The following LRCH3 variants were observed in gnomAD, a reference collection of about 807,000 sequenced individuals.
LRCH3 encodes DISP complex protein LRCH3.
In LRCH3, 68 loss-of-function variants were observed where a neutral mutation model predicts 104.5. The observed-to-expected ratio is 0.65, with a 90% CI of 0.54 to 0.80. LRCH3 has a LOEUF of 0.80. LRCH3 is among the 30% of genes least tolerant of loss of function. The probability of loss-of-function intolerance (pLI) is 0.00; values close to 1 mark genes in which losing one functional copy is unlikely to be tolerated. For synonymous variants in LRCH3, 344 were observed against 361.3 expected (o/e 0.95, Z 0.54); for missense variants, 951 against 953.9 (o/e 1.00, Z 0.04).
rs112080588 is a variant in LRCH3, at chr3:197,869,781, G to A, written c.1874-379G>A. ...AAAGCGATGCACTGTACCTGCAGGA[G>A]GTAGAAAGCGATGCACTGTACCTGC... On this transcript the variant is annotated intron_variant, in intron 17 of 20. Coordinates refer to ENST00000425562, the MANE Select transcript of LRCH3 (RefSeq NM_001365715.1). Among the ~76,000 whole-genome samples the A allele has an allele frequency of 3.1e-3, 313 of 101,872 alleles. 4 individuals carry two copies. Among genetic ancestry groups the A allele is most frequent in the Middle Eastern group, 5.7e-3 (1 of 176 alleles). 66.8% of individuals were successfully genotyped at this position (101,872 alleles called of 152,430 possible). A position where few individuals can be genotyped will look rare whatever the true frequency, so the allele number is the denominator to read the frequency against.
intron 12 of LRCH3, among the ~76,000 whole-genome samples, chr3:197,852,024 CT>C (rs1156870842): frequency 6.6e-6 from 1 of 152,200 alleles, no homozygotes; most frequent in Non-Finnish European, 1.5e-5. Flanking sequence ...GATATTTTAT[CT>C]CACACAGTAG....
In LRCH3 at chr3:197,844,623, GTT is replaced by G. The variant is rs200180328; in HGVS notation, c.1329-2776_1329-2775del. On this transcript the variant is annotated intron_variant, in intron 10 of 20. Transcript: ENST00000425562. ...ATCACTTACTGCTCATAGGTTTTTT[GTT>G]TTTTTTTTTCCCAGATGGAGCCTCA... 1.2e-3 allele frequency among the ~76,000 whole-genome samples: 177 copies of G among 146,120 alleles called. 1 individual carries two copies. The highest frequency in any genetic ancestry group is 3.5e-3 in the African/African-American group (139 of 39,672).
rs559582259 is a variant in LRCH3 at position 197,868,101 on chromosome 3, C to T, written c.1873+1882C>T. Among the ~76,000 whole-genome samples the T allele has an allele frequency of 4.6e-5, 7 of 152,250 alleles. No individual in the cohort carries two copies. The South Asian group carries it at 1.5e-3, about 32-fold the overall frequency. On this transcript the variant is annotated intron_variant, in intron 17 of 20. Coordinates refer to ENST00000425562, the MANE Select transcript of LRCH3 (RefSeq NM_001365715.1). The stretch of plus-strand genomic sequence containing the variant: ...ACAGTAAGATTTAAAAGTCAAACTA[C>T]AGATGCACTGCTGGTGAGAGTGTAA...
intron 4 of LRCH3, among the ~76,000 whole-genome samples, chr3:197,820,800 C>T (rs1226624544): frequency 6.6e-6 from 1 of 151,592 alleles, no homozygotes; most frequent in Admixed American, 6.6e-5. Context: ...CAGAAAGAGA[C>T]CTTTTTTAAA....
At chr3:197,805,215 A>G (rs1349407438) in intron 1 of LRCH3, among the ~76,000 whole-genome samples, 1 of 152,138 alleles carries the variant, frequency 6.6e-6, no homozygotes, top group East Asian at 1.9e-4. Context: ...TTTTCAAGTC[A>G]TTCAGAATAT....
rs201162957 is a variant in LRCH3, at chr3:197,866,147, A to G, written c.1801A>G (p.Ile601Val). 2 of 1,613,948 alleles carry G rather than the reference A, an allele frequency of 1.2e-6. No homozygotes were observed. The highest frequency in any genetic ancestry group is 2.2e-5 in the East Asian group (1 of 44,880). The change falls in exon 17 of 21, where the codon ATC (isoleucine) becomes GTC (valine). Residue 601 changes from isoleucine to valine, a missense_variant. Transcript: ENST00000425562. ...HSPAYSFPAA[I>V]QRNQPQRPES... ...CCCTGCATATTCTTTTCCTGCTGCTATCCAGAGAAATCAGCCTCAGCGCCC... is the reference window on the plus strand; with the variant it reads ...CCCTGCATATTCTTTTCCTGCTGCTGTCCAGAGAAATCAGCCTCAGCGCCC...
At chr3:197,792,047 GGT>G (rs148727980) in intron 1 of LRCH3, among the ~76,000 whole-genome samples, 8 of 151,826 alleles carry the variant, frequency 5.3e-5, no homozygotes, top group Non-Finnish European at 7.4e-5. Context: ...GAAGTGTTGG[GGT>G]GTGTGTGTGT....
intron 10 of LRCH3, among the ~76,000 whole-genome samples, chr3:197,841,931 C>T (rs1737863184): frequency 6.6e-6 from 1 of 152,102 alleles, no homozygotes; most frequent in Non-Finnish European, 1.5e-5. Context: ...CTCCCAGGCT[C>T]AAGCAATCCT....
intron 20 of LRCH3, among the ~76,000 whole-genome samples, chr3:197,880,265 T>C (rs1478187560): frequency 3.3e-5 from 5 of 152,158 alleles, no homozygotes; most frequent in African/African-American, 4.8e-5. Context: ...ATTCTTAATG[T>C]TCAGACCAGT....
chr3:197,859,428 A>G (rs1740630878), intron 15 of LRCH3: 1 of 154,782 alleles, frequency 6.5e-6, no homozygotes, highest in African/African-American at 2.4e-5. Flanking sequence ...GACCAACATC[A>G]TATACCTACA....
At chr3:197,845,338 G>A (rs773719574) in intron 10 of LRCH3, among the ~76,000 whole-genome samples, 2 of 150,958 alleles carry the variant, frequency 1.3e-5, no homozygotes, top group East Asian at 3.9e-4. Flanking sequence ...ACTCTGGGAG[G>A]TGGAGGTCTC....
intron 1 of LRCH3, among the ~76,000 whole-genome samples, chr3:197,812,724 G>A (rs1320513079): frequency 6.6e-6 from 1 of 151,872 alleles, no homozygotes; most frequent in Non-Finnish European, 1.5e-5. Context: ...ACCACGCCTG[G>A]CTAATTTTTG....
Position 197,827,011 on chromosome 3 carries a change from ACAGGTAAACCATAGTGGAAGCAT to A in LRCH3, c.777+10_777+32del. ...ACAATCCACTACAATCACCTCCTGCACAGGTAAACCATAGTGGAAGCATCAGGTAAACCATGGTGGAAGCATCA... is the reference window on the plus strand; with the variant it reads ...ACAATCCACTACAATCACCTCCTGCACAGGTAAACCATGGTGGAAGCATCA... On this transcript the variant is annotated splice_donor_variant and splice_donor_5th_base_variant and coding_sequence_variant and intron_variant, in exon 5 of 21. Coordinates refer to ENST00000425562, the MANE Select transcript of LRCH3 (RefSeq NM_001365715.1). LOFTEE classifies it high-confidence loss of function. 2.5e-6 allele frequency: 4 copies of A among 1,613,856 alleles called. No homozygotes were observed. Among genetic ancestry groups the A allele is most frequent in the Non-Finnish European group, 3.4e-6 (4 of 1,179,908 alleles).
chr3:197,791,384 G>A lies in LRCH3; in HGVS notation c.106G>A (p.Ala36Thr), dbSNP rs942712572. ...TGTTCACTGCGGCCCAAGCTCCGGG[G>A]CAGGCCCTGGTTTTGGCCCGGGCTC... ...PGVHCGPSSG[A>T]GPGFGPGSWS... Residue 36 changes from alanine to threonine, a missense_variant, in exon 1 of 21, where the codon GCA (alanine) becomes ACA (threonine). Transcript: ENST00000425562. The A allele has an allele frequency of 1.3e-6, 2 of 1,597,046 alleles. No individual in the cohort carries two copies. The highest frequency in any genetic ancestry group is 2.7e-5 in the African/African-American group (2 of 74,574).
rs1305196955 is a variant in LRCH3, at chr3:197,883,170, T to A, written c.2209-371T>A. On this transcript the variant is annotated intron_variant, in intron 20 of 20. Transcript: ENST00000425562. The surrounding 1 kb of genome is among the most constrained non-coding windows in gnomAD (Gnocchi z 4.2). ...CTTGAGCCATCTGGTAGCGTGGAAT[T>A]GTTTTTCTATTTTTCACCTGCCTAT... 5 of 992,574 alleles carry A rather than the reference T, an allele frequency of 5.0e-6. No individual in the cohort carries two copies. The highest frequency in any genetic ancestry group is 6.0e-6 in the Non-Finnish European group (5 of 834,802). The allele number at this position is 992,574 out of a possible 1,614,324, so 61.5% of individuals were successfully genotyped here. A position where few individuals can be genotyped will look rare whatever the true frequency, so the allele number is the denominator to read the frequency against.
At chr3:197,843,980 A>G (rs1738216330) in intron 10 of LRCH3, among the ~76,000 whole-genome samples, 1 of 152,352 alleles carries the variant, frequency 6.6e-6, no homozygotes, top group East Asian at 1.9e-4. Context: ...ATGAAGAAAA[A>G]TAAAGCAGGA....
At chr3:197,879,472 C>A (rs1040213156) in intron 20 of LRCH3, among the ~76,000 whole-genome samples, 6 of 150,924 alleles carry the variant, frequency 4.0e-5, no homozygotes, top group Non-Finnish European at 7.4e-5. Context: ...TGGTGAAACC[C>A]CGTCTCTACT....
chr3:197,885,024 C>T lies in LRCH3; in HGVS notation c.*1358C>T, dbSNP rs374798443. 1 of 152,254 alleles carries T rather than the reference C, an allele frequency of 6.6e-6. No homozygotes were observed. The highest frequency in any genetic ancestry group is 6.5e-5 in the Admixed American group (1 of 15,274). The allele number at this position is 152,254 out of a possible 1,614,324, so 9.4% of individuals were successfully genotyped here. On this transcript the variant is annotated 3_prime_UTR_variant, in exon 21 of 21. Transcript: ENST00000425562. The stretch of plus-strand genomic sequence containing the variant: ...TCATAGAAGATAGTTCTATGTCATC[C>T]TGTTATCTGGACATTATAATAAACA...
chr3:197,817,360 G>GTGTGTGTATATATAGA, intron 3 of LRCH3, 58 bp downstream of exon 3: 2 of 77,940 alleles, frequency 2.6e-5, no homozygotes, highest in Non-Finnish European at 3.6e-5. Flanking sequence ...GTGTGTGTGT[G>GTGTGTGTATATATAGA]TATATATATA....
Sources: gnomAD v4.1 joint callset for allele counts (sites outside exome capture counted in the v4.1 genomes callset) on GRCh38, gnomAD v4.1.1 for gene constraint, Gnocchi (gnomAD v3.1) non-coding constraint, MANE v1.5 for transcripts, NCBI Gene and HGNC (gene_info 2026-07-23, HGNC 2026-07-21) for gene names.